The following UPF2 variants were observed in gnomAD, a reference collection of about 807,000 sequenced individuals.
The protein encoded by UPF2 is UPF2 regulator of nonsense mediated mRNA decay.
UPF2 carries 17 observed loss-of-function variants against 141.4 expected under a neutral mutation model. That is an observed-to-expected ratio of 0.12 (90% CI 0.08 to 0.18). The LOEUF (loss-of-function observed/expected upper bound fraction) is 0.18, where lower values mean the gene tolerates loss of function less well. Ranked by LOEUF, UPF2 falls within the 10% of genes least tolerant of loss-of-function variation. The probability of loss-of-function intolerance (pLI) is 1.00; values close to 1 mark genes in which losing one functional copy is unlikely to be tolerated. For synonymous variants in UPF2, 540 were observed against 498.0 expected (o/e 1.08, Z -1.12); for missense variants, 1,152 against 1,515.9 (o/e 0.76, Z 3.99).
In UPF2 at chr10:11,953,919, T is replaced by C. The variant is rs1195218766; in HGVS notation, c.2850+1313A>G. Among the ~76,000 whole-genome samples, 2 of 152,232 alleles carry C rather than the reference T, an allele frequency of 1.3e-5. No homozygotes were observed. Among genetic ancestry groups the C allele is most frequent in the African/African-American group, 2.4e-5 (1 of 41,468 alleles). On this transcript the variant is annotated intron_variant, in intron 14 of 21. Transcript: ENST00000357604. This position sits in a 1 kb window ranked among gnomAD's most constrained non-coding sequence, Gnocchi z 5.0. Reference sequence around the variant, plus strand: ...CACCATGTGGATGTATTTTTGATACTTCAAGTTACATTAAACTTATTTTCT... The same window carrying C: ...CACCATGTGGATGTATTTTTGATACCTCAAGTTACATTAAACTTATTTTCT...
intron 9 of UPF2, among the ~76,000 whole-genome samples, chr10:11,974,165 T>C (rs1207856616): frequency 6.6e-6 from 1 of 151,722 alleles, no homozygotes; most frequent in Non-Finnish European, 1.5e-5. Flanking sequence ...AGTTCACTCA[T>C]GATTTGCCTC....
intron 4 of UPF2, among the ~76,000 whole-genome samples, chr10:12,010,536 G>A (rs1268130527): frequency 6.6e-6 from 1 of 152,046 alleles, no homozygotes; most frequent in Non-Finnish European, 1.5e-5. Flanking sequence ...CTATCCAAAA[G>A]GAAAGGCAGG....
At chr10:12,000,122 G>A in intron 6 of UPF2, 113 bp from the exon 7 acceptor site, 1 of 817,524 alleles carries the variant, frequency 1.2e-6, no homozygotes, top group Non-Finnish European at 1.9e-6. Context: ...TTTGTGCCCA[G>A]GAAAACATTA....
chr10:12,031,600 C>T (rs1367231759), intron 2 of UPF2, among the ~76,000 whole-genome samples: 1 of 151,954 alleles, frequency 6.6e-6, no homozygotes, highest in Admixed American at 6.6e-5. Flanking sequence ...ATAGTAAGAC[C>T]CAATCTCTAC....
Position 11,921,216 on chromosome 10 carries a change from A to G in UPF2, c.*82T>C. ...TAGACCGACCTGCTGAGATGTGTCC[A>G]CTGCTCTCATTCAATTGCTGGAGGA... On this transcript the variant is annotated 3_prime_UTR_variant, in exon 22 of 22. Transcript: ENST00000357604. The surrounding 1 kb of genome is among the most constrained non-coding windows in gnomAD (Gnocchi z 5.9). 1 of 1,581,358 alleles carries G rather than the reference A, an allele frequency of 6.3e-7. No individual in the cohort carries two copies.
chr10:11,931,944 A>G lies in UPF2; in HGVS notation c.3547-162T>C, dbSNP rs568243190. ...GGCGGGCGGATCACGAGGTCAAGAG[A>G]TCAAGACCATCCAGGCCAACATGAT... On this transcript the variant is annotated intron_variant, in intron 19 of 21. Transcript: ENST00000357604. This position sits in a 1 kb window ranked among gnomAD's most constrained non-coding sequence, Gnocchi z 5.9. 1.3e-5 allele frequency among the ~76,000 whole-genome samples: 2 copies of G among 152,282 alleles called. No individual in the cohort carries two copies. Among genetic ancestry groups the G allele is most frequent in the East Asian group, 3.9e-4 (2 of 5,176 alleles).
chr10:11,963,933 T>TG, intron 11 of UPF2, 76 bp downstream of exon 11: 1 of 1,001,690 alleles, frequency 1.0e-6, no homozygotes, highest in Non-Finnish European at 1.5e-6. Context: ...TAACCAGCAC[T>TG]GGTCAATATT....
chr10:11,970,783 G>A (rs1833403272), intron 9 of UPF2, among the ~76,000 whole-genome samples: 1 of 152,084 alleles, frequency 6.6e-6, no homozygotes, highest in African/African-American at 2.4e-5. Flanking sequence ...CTGCATTCCA[G>A]CCCGGGCGAC....
chr10:11,955,375 G>T lies in UPF2; in HGVS notation c.2707C>A (p.Pro903Thr). 1.2e-6 allele frequency: 2 copies of T among 1,614,172 alleles called. No homozygotes were observed. The highest frequency in any genetic ancestry group is 1.7e-6 in the Non-Finnish European group (2 of 1,180,030). Residue 903 changes from proline (P) to threonine (T), a missense_variant, in exon 14 of 22, where the codon CCT (proline) becomes ACT (threonine). By Grantham distance (38) the Pro-to-Thr change is conservative. Around this residue, in one of 4 missense-constraint regions of UPF2, gnomAD observed 739 missense variants for 1,032.2 expected, o/e 0.72. Transcript: ENST00000357604. Reference sequence around the variant, plus strand: ...TCCAGGGAACTTGGAGAGCCATCAGGATTAACACCAAATGAGGTAAAAGAA... The same window carrying T: ...TCCAGGGAACTTGGAGAGCCATCAGTATTAACACCAAATGAGGTAAAAGAA... Reference protein sequence around the residue: ...LYSFTSFGVNPDGSPSSLDPP... With the variant: ...LYSFTSFGVNTDGSPSSLDPP...
Position 11,943,151 on chromosome 10 carries a change from A to C in UPF2, c.3192T>G (p.Asp1064Glu). 1.9e-6 allele frequency: 3 copies of C among 1,610,296 alleles called. No homozygotes were observed. Among genetic ancestry groups the C allele is most frequent in the Non-Finnish European group, 2.5e-6 (3 of 1,178,654 alleles). Residue 1064 changes from aspartate to glutamate, a missense_variant, in exon 17 of 22, where the codon GAT (aspartate) becomes GAG (glutamate). Transcript: ENST00000357604. ...EPEEEEGSDN[D>E]DDEGEEEEEE... ...CCTCCTCTTCTTCTCCCTCATCATCATCATTATCAGAACCCTCCTGAAATT... is the reference window on the plus strand; with the variant it reads ...CCTCCTCTTCTTCTCCCTCATCATCCTCATTATCAGAACCCTCCTGAAATT...
chr10:11,956,631 A>T lies in UPF2; in HGVS notation c.2371-108T>A, dbSNP rs1413618483. 2.1e-6 allele frequency: 2 copies of T among 953,168 alleles called. No individual in the cohort carries two copies. The highest frequency in any genetic ancestry group is 3.3e-5 in the African/African-American group (2 of 60,058). The allele number at this position is 953,168 out of a possible 1,614,324, so 59.0% of individuals were successfully genotyped here. A position where few individuals can be genotyped will look rare whatever the true frequency, so the allele number is the denominator to read the frequency against. On this transcript the variant is annotated intron_variant, in intron 12 of 21. Coordinates refer to ENST00000357604, the MANE Select transcript of UPF2 (RefSeq NM_015542.4). This position sits in a 1 kb window ranked among gnomAD's most constrained non-coding sequence, Gnocchi z 4.2. The stretch of plus-strand genomic sequence containing the variant: ...GCGCAGAGAACTTTTGAAATAGAAA[A>T]TACATTAGAAATCCTCTATCGGCCT...
In UPF2 at chr10:11,940,159, C is replaced by A. The variant is rs1323018067; in HGVS notation, c.3378+2506G>T. ...TATAGAATTAAGTTTTTCTCCAGCA[C>A]AAAAAGCACATCTCCTGCAAAAATG... is the stretch of plus-strand genomic sequence containing the variant. On this transcript the variant is annotated intron_variant, in intron 18 of 21. Transcript: ENST00000357604. This position sits in a 1 kb window ranked among gnomAD's most constrained non-coding sequence, Gnocchi z 4.2. Among the ~76,000 whole-genome samples, 2 of 152,286 alleles carry A rather than the reference C, an allele frequency of 1.3e-5. No individual in the cohort carries two copies. The highest frequency in any genetic ancestry group is 1.3e-4 in the Admixed American group (2 of 15,290).
intron 2 of UPF2, among the ~76,000 whole-genome samples, chr10:12,033,763 G>A (rs1301912110): frequency 6.6e-6 from 1 of 152,038 alleles, no homozygotes; most frequent in Non-Finnish European, 1.5e-5. Context: ...TGACCAGGCT[G>A]GTCTTGAACT....
intron 2 of UPF2, among the ~76,000 whole-genome samples, chr10:12,031,484 TTTGAAGTTTA>T (rs1331708419): frequency 6.6e-6 from 1 of 152,220 alleles, no homozygotes; most frequent in Non-Finnish European, 1.5e-5. Context: ...ACAATCTGAT[TTTGAAGTTTA>T]TTGAAGTTTT....
At position 12,001,698 on chromosome 10, in the gene UPF2, T is replaced by G. The variant is rs1306775269; in HGVS notation, c.1632A>C (p.Thr544=). 3 of 1,600,528 alleles carry G rather than the reference T, an allele frequency of 1.9e-6. No homozygotes were observed. The highest frequency in any genetic ancestry group is 2.5e-6 in the Non-Finnish European group (3 of 1,176,546). ...TACCTTGTTCATCAAGAAGTTTCTT[T>G]GTAAGATCTTCAGCTTCATCTCCAC... ...LEGGDEAEDL[T]KKLLDEQEQE... Residue 544 remains threonine (T), a synonymous_variant, in exon 6 of 22, where the codon ACA becomes ACC. Transcript: ENST00000357604.
intron 19 of UPF2, among the ~76,000 whole-genome samples, chr10:11,934,413 G>A (rs890566702): frequency 6.6e-6 from 1 of 152,170 alleles, no homozygotes; most frequent in Non-Finnish European, 1.5e-5. Context: ...GAGGGGAGGG[G>A]TGTGGCTCTC....
In UPF2 at chr10:11,940,525, G is replaced by A. The variant is rs1832923871; in HGVS notation, c.3378+2140C>T. On this transcript the variant is annotated intron_variant, in intron 18 of 21. Coordinates refer to ENST00000357604, the MANE Select transcript of UPF2 (RefSeq NM_015542.4). The surrounding 1 kb of genome is among the most constrained non-coding windows in gnomAD (Gnocchi z 4.2). ...GGCTTCTCAAGTGGACACGGCCAAAGGGAAACTTTTGCTCATTGGTCCCTT... is the reference window on the plus strand; with the variant it reads ...GGCTTCTCAAGTGGACACGGCCAAAAGGAAACTTTTGCTCATTGGTCCCTT... Among the ~76,000 whole-genome samples, 1 of 152,008 alleles carries A rather than the reference G, an allele frequency of 6.6e-6. No individual in the cohort carries two copies. The highest frequency in any genetic ancestry group is 1.5e-5 in the Non-Finnish European group (1 of 68,018).
intron 19 of UPF2, among the ~76,000 whole-genome samples, chr10:11,932,688 A>G (rs1832797464): frequency 6.6e-6 from 1 of 152,228 alleles, no homozygotes; most frequent in African/African-American, 2.4e-5. Flanking sequence ...ACACTACTTT[A>G]TAGCAAATTA....
At chr10:11,922,149 TG>T (rs1380428383) in intron 21 of UPF2, among the ~76,000 whole-genome samples, 1 of 152,212 alleles carries the variant, frequency 6.6e-6, no homozygotes, top group Non-Finnish European at 1.5e-5. Flanking sequence ...AAGGCAGGCC[TG>T]GAGCAGTCTT....
Sources: allele counts gnomAD v4.1 joint callset (sites outside exome capture counted in the v4.1 genomes callset), GRCh38; gene constraint gnomAD v4.1.1; regional missense constraint gnomAD v4.1.1; non-coding constraint Gnocchi (gnomAD v3.1); transcripts MANE v1.5; gene names NCBI Gene and HGNC (gene_info 2026-07-23, HGNC 2026-07-21).